TACC2: variants seen among roughly 807,000 people sequenced by gnomAD.
The protein encoded by TACC2 is transforming acidic coiled-coil-containing protein 2.
TACC2 carries 137 observed loss-of-function variants against 227.3 expected under a neutral mutation model. That is an observed-to-expected ratio of 0.60 (90% confidence interval 0.52 to 0.69). The LOEUF (loss-of-function observed/expected upper bound fraction) is 0.69. TACC2 is among the 30% of genes least tolerant of loss of function. TACC2 has a pLI of 0.00. For missense variants in TACC2, 3,470 were observed against 3,694.4 expected, an observed-to-expected ratio of 0.94 and a Z score of 1.57; for synonymous variants, 1,523 against 1,487.5, an observed-to-expected ratio of 1.02 and a Z score of -0.55.
intron 1 of TACC2, among the ~76,000 whole-genome samples, chr10:121,997,802 T>C (rs1339229510): frequency 6.6e-6 from 1 of 152,032 alleles, no homozygotes; most frequent in African/African-American, 2.4e-5. Flanking sequence ...TAAAATACAA[T>C]TATGTACCCT....
chr10:122,247,713 A>T (rs1009703651), intron 19 of TACC2: 2 of 152,254 alleles, frequency 1.3e-5, no homozygotes, highest in East Asian at 3.8e-4. Flanking sequence ...ACACACGGAC[A>T]CAAAGATGGG....
chr10:121,990,665 C>G (rs1008034499), intron 1 of TACC2, among the ~76,000 whole-genome samples: 3 of 152,168 alleles, frequency 2.0e-5, no homozygotes, highest in African/African-American at 7.2e-5. Flanking sequence ...CCTCAACTAC[C>G]AGGCCGTCAC....
At position 122,082,823 on chromosome 10, in the gene TACC2, C is replaced by A; in HGVS notation, c.323C>A (p.Ser108Ter). Residue 108 changes from serine to a stop codon, truncating the protein, a stop_gained, in exon 4 of 23, where the codon TCG becomes TAG. Coordinates refer to ENST00000369005, the MANE Select transcript of TACC2 (RefSeq NM_206862.4). LOFTEE classifies it high-confidence loss of function. ...PPPSQEREHP[S>*]SSMPFAECPP... is the part of the protein sequence containing the mutation. ...CCGTCCCAGGAGCGAGAGCACCCCT[C>A]GTCCTCCATGCCCTTTGCCGAGTGT... The A allele has an allele frequency of 6.2e-7, 1 of 1,613,704 alleles. No individual in the cohort carries two copies. Among genetic ancestry groups the A allele is most frequent in the Non-Finnish European group, 8.5e-7 (1 of 1,180,012 alleles).
intron 1 of TACC2, among the ~76,000 whole-genome samples, chr10:122,014,270 C>CGCG (rs1956290268): frequency 1.3e-5 from 2 of 148,580 alleles, no homozygotes; most frequent in African/African-American, 5.0e-5. Flanking sequence ...AGTGCAATGG[C>CGCG]ATGATCTTGG....
intron 7 of TACC2, among the ~76,000 whole-genome samples, chr10:122,158,162 C>T (rs560419925): frequency 7.2e-5 from 11 of 152,060 alleles, no homozygotes; most frequent in Non-Finnish European, 1.3e-4. Context: ...CCAAGGCAGG[C>T]GGATCACTTG....
chr10:121,995,959 G>A (rs1247168897), intron 1 of TACC2, among the ~76,000 whole-genome samples: 2 of 152,118 alleles, frequency 1.3e-5, no homozygotes, highest in Non-Finnish European at 2.9e-5. Flanking sequence ...TCACCCTGCT[G>A]GCCAGGCTGG....
intron 7 of TACC2, among the ~76,000 whole-genome samples, chr10:122,144,123 T>C (rs1196028432): frequency 3.3e-5 from 5 of 152,202 alleles, no homozygotes; most frequent in Non-Finnish European, 7.3e-5. Flanking sequence ...AGAGTTGTTG[T>C]AGCAGAGCCC....
rs150532631 is a variant in TACC2 at position 122,020,149 on chromosome 10, A to G, written c.-45-1788A>G. ...AATTAATATTACATTCAACCTTATG[A>G]TTCAACCTGGAAGATACAAGGAAGT... is the stretch of plus-strand genomic sequence containing the variant. On this transcript the variant is annotated intron_variant, in intron 1 of 22. Transcript: ENST00000369005. 2.0e-5 allele frequency among the ~76,000 whole-genome samples: 3 copies of G among 152,348 alleles called. No homozygotes were observed. The East Asian group carries it at 5.8e-4, about 29-fold the overall frequency.
At chr10:122,046,107 G>A (rs1236008384) in intron 2 of TACC2, among the ~76,000 whole-genome samples, 3 of 151,826 alleles carry the variant, frequency 2.0e-5, no homozygotes, top group Non-Finnish European at 4.4e-5. Context: ...CCCGGGAAGC[G>A]GAGGTTGCAG....
intron 1 of TACC2, among the ~76,000 whole-genome samples, chr10:122,016,580 A>AAG (rs1382879179): frequency 2.1e-5 from 3 of 144,542 alleles, no homozygotes; most frequent in Non-Finnish European, 4.6e-5. Flanking sequence ...AAAAAAAAAA[A>AAG]AAAAAGTCAG....
chr10:122,082,552 G>C, intron 3 of TACC2, 95 bp from the exon 4 acceptor site: 2 of 1,405,528 alleles, frequency 1.4e-6, no homozygotes, highest in South Asian at 2.8e-5. Context: ...GGCACTTGAT[G>C]CCCTTTTGTG....
intron 5 of TACC2, among the ~76,000 whole-genome samples, chr10:122,122,815 A>G (rs539658006): frequency 6.6e-6 from 1 of 152,324 alleles, no homozygotes; most frequent in East Asian, 1.9e-4. Flanking sequence ...AGTGCTTACA[A>G]TGTGAGCTGC....
At chr10:122,225,801 TG>T (rs765700244) in intron 12 of TACC2, among the ~76,000 whole-genome samples, 2 of 152,162 alleles carry the variant, frequency 1.3e-5, no homozygotes, top group Non-Finnish European at 2.9e-5. Flanking sequence ...AGAGATTTCA[TG>T]GCAGTGCAGA....
At chr10:121,995,943 G>T (rs564319924) in intron 1 of TACC2, among the ~76,000 whole-genome samples, 4 of 152,194 alleles carry the variant, frequency 2.6e-5, no homozygotes, top group African/African-American at 7.2e-5. Context: ...TAGTAAAGAT[G>T]GGGTTTCACC....
intron 16 of TACC2, among the ~76,000 whole-genome samples, chr10:122,231,647 C>T (rs1489351335): frequency 6.6e-6 from 1 of 152,204 alleles, no homozygotes; most frequent in Non-Finnish European, 1.5e-5. Flanking sequence ...CAGTGATTCA[C>T]CAGCCTGTTG....
In TACC2 at chr10:122,086,739, C is replaced by T; in HGVS notation, c.4239C>T (p.Ala1413=). ...TGFPDFREHI[A]KIFEKPVLGA... is the part of the protein sequence containing the mutation. ...TCCCAGACTTCAGGGAGCACATCGC[C>T]AAGATCTTCGAGAAGCCTGTGCTCG... The change falls in exon 4 of 23, where the codon GCC becomes GCT. Residue 1413 remains alanine (A), a synonymous_variant. Coordinates refer to ENST00000369005, the MANE Select transcript of TACC2 (RefSeq NM_206862.4). 6.2e-6 allele frequency: 10 copies of T among 1,613,958 alleles called. No homozygotes were observed. Among genetic ancestry groups the T allele is most frequent in the Non-Finnish European group, 8.5e-6 (10 of 1,179,984 alleles).
chr10:122,151,973 C>T (rs983124942), intron 7 of TACC2, among the ~76,000 whole-genome samples: 23 of 152,278 alleles, frequency 1.5e-4, no homozygotes, highest in African/African-American at 2.6e-4. Context: ...GGCAGGGGCT[C>T]GCTGGGAGAA....
chr10:122,111,640 A>C (rs1211588713), intron 5 of TACC2, among the ~76,000 whole-genome samples: 10 of 148,936 alleles, frequency 6.7e-5, no homozygotes, highest in Non-Finnish European at 3.0e-5. Flanking sequence ...ACAGGCACAC[A>C]CCATCATGCC....
In TACC2 at chr10:122,083,071, T is replaced by G. The variant is rs749651425; in HGVS notation, c.571T>G (p.Ser191Ala). ...EEGQKSSFSF[S>A]SGIDQSPGMS... The stretch of plus-strand genomic sequence containing the variant: ...AGGACAGAAGTCCTCCTTCTCCTTC[T>G]CCAGTGGCATCGACCAGTCACCTGG... The change falls in exon 4 of 23, where the codon TCC (serine) becomes GCC (alanine). Residue 191 changes from serine (S) to alanine (A), a missense_variant. Around this residue, in one of 10 missense-constraint regions of TACC2, gnomAD observed 405 missense variants for 389.6 expected, o/e 1.04. Transcript: ENST00000369005. 1 of 1,612,746 alleles carries G rather than the reference T, an allele frequency of 6.2e-7. No homozygotes were observed. Among genetic ancestry groups the G allele is most frequent in the Non-Finnish European group, 8.5e-7 (1 of 1,179,980 alleles).
Sources: allele counts gnomAD v4.1 joint callset (sites outside exome capture counted in the v4.1 genomes callset), GRCh38; gene constraint gnomAD v4.1.1; regional missense constraint gnomAD v4.1.1; transcripts MANE v1.5; gene names NCBI Gene and HGNC (gene_info 2026-07-23, HGNC 2026-07-21).